GPC3: variants seen among roughly 807,000 people sequenced by gnomAD.
GPC3 encodes glypican-3.
A neutral mutation model predicts 34.4 loss-of-function variants in GPC3; 3 were observed. That is an observed-to-expected ratio of 0.09 (90% CI 0.04 to 0.23). The LOEUF (loss-of-function observed/expected upper bound fraction) is 0.23, where lower values mean the gene tolerates loss of function less well. Ranked by LOEUF, GPC3 falls within the 10% of genes least tolerant of loss-of-function variation. GPC3 has a pLI of 1.00. For synonymous variants in GPC3, 177 were observed against 174.0 expected (o/e 1.02, Z -0.13); for missense variants, 351 against 445.6 (o/e 0.79, Z 1.91).
At chrX:133,902,788 A>G (rs2076149731) in intron 2 of GPC3, among the ~76,000 whole-genome samples, 1 of 112,253 alleles carries the variant, frequency 8.9e-6, no homozygotes, top group African/African-American at 3.2e-5. Flanking sequence ...CCATGATTCT[A>G]CCACACAAAA....
At chrX:133,749,809 AAGCTTT>A (rs1391703104) in intron 3 of GPC3, among the ~76,000 whole-genome samples, 30 of 111,245 alleles carry the variant, frequency 2.7e-4, no homozygotes, top group African/African-American at 8.5e-4. Context: ...AATCTCATTA[AAGCTTT>A]AGTTTTAAAC....
At chrX:133,980,353 T>C (rs540357032) in intron 1 of GPC3, among the ~76,000 whole-genome samples, 2 of 112,269 alleles carry the variant, frequency 1.8e-5, no homozygotes, top group South Asian at 7.4e-4. Context: ...TTTTAAAATA[T>C]GTAAGATGAC....
intron 7 of GPC3, among the ~76,000 whole-genome samples, chrX:133,577,415 A>T (rs918193185): frequency 4.5e-5 from 5 of 112,276 alleles, no homozygotes; most frequent in African/African-American, 1.6e-4. Flanking sequence ...AATTATTAAA[A>T]CAAGAAAGGG....
chrX:133,969,858 T>C lies in GPC3; in HGVS notation c.175+15417A>G, dbSNP rs181863123. Reference sequence around the variant, plus strand: ...ACAATCAAACACTCCTACACGACCATAACAACCTCCAGGCACAAACTAAAA... The same window carrying C: ...ACAATCAAACACTCCTACACGACCACAACAACCTCCAGGCACAAACTAAAA... On this transcript the variant is annotated intron_variant, in intron 1 of 7. Transcript: ENST00000370818. Among the ~76,000 whole-genome samples the C allele has an allele frequency of 2.8e-3, 313 of 111,907 alleles. 1 individual carries two copies. The highest frequency in any genetic ancestry group is 9.4e-3 in the African/African-American group (289 of 30,864).
intron 2 of GPC3, among the ~76,000 whole-genome samples, chrX:133,804,278 A>G (rs1036527763): frequency 1.3e-4 from 14 of 111,510 alleles, no homozygotes; most frequent in African/African-American, 4.2e-4. Context: ...CTGGCTGCAA[A>G]TCGGAATGGC....
At chrX:133,568,016 T>G (rs1244965663) in intron 7 of GPC3, among the ~76,000 whole-genome samples, 1 of 112,351 alleles carries the variant, frequency 8.9e-6, no homozygotes, top group Non-Finnish European at 1.9e-5. Context: ...ATGCAAAATC[T>G]GAATGGATTC....
At chrX:133,692,302 A>G in intron 5 of GPC3, 67 bp downstream of exon 5, 1 of 1,075,435 alleles carries the variant, frequency 9.3e-7, no homozygotes, top group East Asian at 3.0e-5. Context: ...GACATAATTA[A>G]CTTTTATATA....
intron 7 of GPC3, among the ~76,000 whole-genome samples, chrX:133,593,354 T>TAAAAAAAAAAAAAAAAAAGAA (rs1186766438): frequency 2.1e-5 from 1 of 47,693 alleles, no homozygotes; most frequent in Non-Finnish European, 3.9e-5. Context: ...AAAAAAAAAG[T>TAAAAAAAAAAAAAAAAAAGAA]AAAAAAAAAA....
intron 5 of GPC3, among the ~76,000 whole-genome samples, chrX:133,678,966 T>C (rs192612913): frequency 8.9e-6 from 1 of 112,200 alleles, no homozygotes; most frequent in African/African-American, 3.2e-5. Flanking sequence ...TTATATGTGT[T>C]TGAAAGTAAT....
At chrX:133,875,640 G>T (rs575999783) in intron 2 of GPC3, among the ~76,000 whole-genome samples, 2 of 110,949 alleles carry the variant, frequency 1.8e-5, no homozygotes, top group African/African-American at 6.6e-5. Context: ...CCACCATCCA[G>T]GCTCAGCTCA....
rs1043230884 is a variant in GPC3, at chrX:133,829,083, G to A, written c.338-74907C>T. Among the ~76,000 whole-genome samples, 3 of 111,791 alleles carry A rather than the reference G, an allele frequency of 2.7e-5. No individual in the cohort carries two copies. The East Asian group carries it at 8.4e-4, about 31-fold the overall frequency. On this transcript the variant is annotated intron_variant, in intron 2 of 7. Transcript: ENST00000370818. ...TGATCCAGCTATCTGCTGTCAACAA[G>A]AGACACATTTTAGATTCAAAGACAC...
chrX:133,960,539 T>G (rs2076437180), intron 1 of GPC3, among the ~76,000 whole-genome samples: 1 of 111,652 alleles, frequency 9.0e-6, no homozygotes, highest in African/African-American at 3.2e-5. Flanking sequence ...ACCTTGATCC[T>G]TACACTTTTC....
chrX:133,895,737 GC>G (rs1569451532), intron 2 of GPC3, among the ~76,000 whole-genome samples: 1 of 110,393 alleles, frequency 9.1e-6, no homozygotes, highest in African/African-American at 3.3e-5. Flanking sequence ...TTTAAACAGC[GC>G]ACACACACAC....
chrX:133,971,487 A>G (rs1037958015), intron 1 of GPC3, among the ~76,000 whole-genome samples: 4 of 112,039 alleles, frequency 3.6e-5, no homozygotes, highest in African/African-American at 1.3e-4. Context: ...ATGGAGGAAG[A>G]GAGAGGAGAG....
intron 7 of GPC3, among the ~76,000 whole-genome samples, chrX:133,586,575 C>T (rs2069790470): frequency 9.0e-6 from 1 of 111,712 alleles, no homozygotes; most frequent in African/African-American, 3.3e-5. Context: ...CACCCATGCC[C>T]TTACCGCCCC....
chrX:133,829,908 C>T (rs1022746282), intron 2 of GPC3, among the ~76,000 whole-genome samples: 4 of 111,647 alleles, frequency 3.6e-5, no homozygotes, highest in Non-Finnish European at 7.5e-5. Flanking sequence ...TTCATACAGA[C>T]TTTACATAGT....
At chrX:133,893,992 G>A (rs1249912734) in intron 2 of GPC3, among the ~76,000 whole-genome samples, 6 of 110,568 alleles carry the variant, frequency 5.4e-5, no homozygotes, top group African/African-American at 2.0e-4. Context: ...ACAGGCGCCC[G>A]CCATCAAGCC....
At chrX:133,705,067 C>T (rs2071202379) in intron 3 of GPC3, among the ~76,000 whole-genome samples, 1 of 111,688 alleles carries the variant, frequency 9.0e-6, no homozygotes, top group African/African-American at 3.3e-5. Flanking sequence ...TCAACAATAC[C>T]AACACTTCAC....
intron 2 of GPC3, among the ~76,000 whole-genome samples, chrX:133,820,277 T>C (rs1313247392): frequency 8.9e-6 from 1 of 112,373 alleles, no homozygotes; most frequent in Non-Finnish European, 1.9e-5. Flanking sequence ...ATGAGATACA[T>C]ATCTTATACA....
Sources: gnomAD v4.1 joint callset for allele counts (sites outside exome capture counted in the v4.1 genomes callset) on GRCh38, gnomAD v4.1.1 for gene constraint, MANE v1.5 for transcripts, NCBI Gene and HGNC (gene_info 2026-07-23, HGNC 2026-07-21) for gene names.